CSMD1: variants seen among roughly 807,000 people sequenced by gnomAD.
The protein encoded by CSMD1 is CUB and sushi domain-containing protein 1.
A neutral mutation model predicts 417.5 loss-of-function variants in CSMD1; 213 were observed. The ratio of observed to expected loss-of-function variants is 0.51; its 90% CI spans 0.46 to 0.57. The LOEUF is 0.57. CSMD1 is among the 20% of genes least tolerant of loss of function. The pLI is 0.00. For missense variants in CSMD1, 6,923 were observed against 4,529.7 expected, an observed-to-expected ratio of 1.53 and a Z score of -15.17; for synonymous variants, 2,862 against 1,736.8, an observed-to-expected ratio of 1.65 and a Z score of -16.11.
chr8:4,208,356 A>T lies in CSMD1; in HGVS notation c.416-176257T>A, dbSNP rs141981084. Among the ~76,000 whole-genome samples the T allele has an allele frequency of 1.9e-3, 282 of 152,316 alleles. 1 individual carries two copies. The highest frequency in any genetic ancestry group is 6.6e-3 in the African/African-American group (276 of 41,588). ...GTCTTATTTGAATCCTTCCTGGAGT[A>T]AGAGGGAAGCATTTCCCCAAGGAAT... On this transcript the variant is annotated intron_variant, in intron 3 of 69. Transcript: ENST00000635120.
intron 5 of CSMD1, among the ~76,000 whole-genome samples, chr8:3,829,640 G>A (rs185248217): frequency 4.6e-5 from 7 of 152,160 alleles, no homozygotes; most frequent in African/African-American, 1.7e-4. Context: ...AATGAATTAA[G>A]AATTAGAGAT....
At chr8:4,975,186 T>C (rs1057280632) in intron 1 of CSMD1, among the ~76,000 whole-genome samples, 1 of 152,194 alleles carries the variant, frequency 6.6e-6, no homozygotes, top group African/African-American at 2.4e-5. Flanking sequence ...CTGTTTTTAA[T>C]TCACCACGGT....
At chr8:3,576,078 T>A (rs73507841) in intron 9 of CSMD1, among the ~76,000 whole-genome samples, 4,072 of 152,176 alleles carry the variant, frequency 0.027, 169 homozygotes, top group African/African-American at 0.092. Flanking sequence ...CATCCTCTAT[T>A]TTTTCATTCC....
chr8:3,394,816 T>C (rs562788573), intron 17 of CSMD1, among the ~76,000 whole-genome samples: 2 of 152,290 alleles, frequency 1.3e-5, no homozygotes, highest in South Asian at 4.1e-4. Flanking sequence ...TCAAAATACG[T>C]TACTTTGGAG....
chr8:4,808,157 G>C lies in CSMD1; in HGVS notation c.86-170599C>G, dbSNP rs78919398. Among the ~76,000 whole-genome samples, 101 of 152,304 alleles carry C rather than the reference G, an allele frequency of 6.6e-4. 1 individual carries two copies. The East Asian group carries it at 0.018, about 27-fold the overall frequency. On this transcript the variant is annotated intron_variant, in intron 1 of 69. Transcript: ENST00000635120. Reference sequence around the variant, plus strand: ...GGAATCCACCACCACGATTCCGGCGGTGTGGAGTCACAGAGGGCGGCAGGC... The same window carrying C: ...GGAATCCACCACCACGATTCCGGCGCTGTGGAGTCACAGAGGGCGGCAGGC...
At chr8:3,019,686 G>C in intron 51 of CSMD1, among the ~76,000 whole-genome samples, 1 of 152,300 alleles carries the variant, frequency 6.6e-6, no homozygotes, top group Non-Finnish European at 1.5e-5. Context: ...TCTTAGCACA[G>C]TTATTGATCG....
chr8:4,152,705 A>C (rs935774814), intron 3 of CSMD1, among the ~76,000 whole-genome samples: 6 of 152,048 alleles, frequency 3.9e-5, no homozygotes, highest in Non-Finnish European at 8.8e-5. Context: ...AGAAAAAAAA[A>C]ATCCTTTACA....
At chr8:3,371,932 G>C (rs1809979340) in intron 18 of CSMD1, among the ~76,000 whole-genome samples, 1 of 152,052 alleles carries the variant, frequency 6.6e-6, no homozygotes, top group Non-Finnish European at 1.5e-5. Flanking sequence ...ATCGTTATTG[G>C]GCACCTGCTA....
chr8:4,710,410 T>G (rs145484065), intron 1 of CSMD1, among the ~76,000 whole-genome samples: 2,688 of 147,668 alleles, frequency 0.018, 87 homozygotes, highest in African/African-American at 0.062. Flanking sequence ...ATATATAAAT[T>G]TATAAATATA....
intron 3 of CSMD1, among the ~76,000 whole-genome samples, chr8:4,278,069 A>C (rs1466082056): frequency 2.0e-5 from 3 of 152,168 alleles, no homozygotes; most frequent in Admixed American, 1.3e-4. Context: ...CTTTAAATAC[A>C]ATAATTAAAA....
rs1043605086 is a variant in CSMD1 at position 4,633,904 on chromosome 8, A to C, written c.302+3438T>G. 2.0e-5 allele frequency among the ~76,000 whole-genome samples: 3 copies of C among 151,980 alleles called. No individual in the cohort carries two copies. In the East Asian group the frequency reaches 5.8e-4, roughly 29 times the overall value. On this transcript the variant is annotated intron_variant, in intron 2 of 69. Transcript: ENST00000635120. Reference sequence around the variant, plus strand: ...AAGCATTTTGGGATTTGGTGACTGCATGGTTGGACCTTACTGGAGACTGGG... The same window carrying C: ...AAGCATTTTGGGATTTGGTGACTGCCTGGTTGGACCTTACTGGAGACTGGG...
At chr8:4,864,329 G>C (rs553868122) in intron 1 of CSMD1, among the ~76,000 whole-genome samples, 1 of 151,406 alleles carries the variant, frequency 6.6e-6, no homozygotes, top group South Asian at 2.1e-4. Context: ...CCAAATTGAC[G>C]ACATATAATT....
intron 2 of CSMD1, among the ~76,000 whole-genome samples, chr8:4,574,581 G>A (rs1799047105): frequency 6.6e-6 from 1 of 152,186 alleles, no homozygotes; most frequent in African/African-American, 2.4e-5. Context: ...TCATCTTGCT[G>A]AGTTCCAACT....
intron 5 of CSMD1, among the ~76,000 whole-genome samples, chr8:3,919,450 T>G (rs1809072950): frequency 6.6e-6 from 1 of 152,118 alleles, no homozygotes; most frequent in Non-Finnish European, 1.5e-5. Context: ...CAGTTTTTGC[T>G]TGAGTTCACT....
chr8:4,787,746 G>A, intron 1 of CSMD1: 2 of 1,588,578 alleles, frequency 1.3e-6, no homozygotes, highest in Non-Finnish European at 1.7e-6. Flanking sequence ...AGGAACAGCT[G>A]ATTGCTGCAA....
chr8:3,461,403 C>T (rs906121295), intron 12 of CSMD1, among the ~76,000 whole-genome samples: 4 of 152,172 alleles, frequency 2.6e-5, no homozygotes, highest in South Asian at 2.1e-4. Context: ...CCTAAATCCA[C>T]GGCCATAATG....
intron 46 of CSMD1, among the ~76,000 whole-genome samples, chr8:3,098,467 G>C (rs1815494053): frequency 6.6e-6 from 1 of 151,984 alleles, no homozygotes; most frequent in African/African-American, 2.4e-5. Flanking sequence ...TTAGACATAA[G>C]ACCACCAATC....
At chr8:4,300,850 C>A (rs62478599) in intron 3 of CSMD1, among the ~76,000 whole-genome samples, 9,872 of 152,226 alleles carry the variant, frequency 0.065, 397 homozygotes, top group Non-Finnish European at 0.092. Flanking sequence ...CATGTCCCTA[C>A]AAAGGACATG....
chr8:4,219,860 A>C (rs1257463226), intron 3 of CSMD1, among the ~76,000 whole-genome samples: 2 of 152,240 alleles, frequency 1.3e-5, no homozygotes, highest in African/African-American at 4.8e-5. Context: ...GGGAGTGCAT[A>C]GAAAGACAAA....
Sources: gnomAD v4.1 joint callset for allele counts (sites outside exome capture counted in the v4.1 genomes callset) on GRCh38, gnomAD v4.1.1 for gene constraint, MANE v1.5 for transcripts, NCBI Gene and HGNC (gene_info 2026-07-23, HGNC 2026-07-21) for gene names.